CLIP1: variants seen among roughly 807,000 people sequenced by gnomAD.
CLIP1 encodes the protein CAP-Gly domain-containing linker protein 1.
Under a neutral mutation model 161.6 loss-of-function variants are expected in CLIP1, and 66 were observed. The observed-to-expected ratio is 0.41, with a 90% CI of 0.33 to 0.50. CLIP1 has a LOEUF of 0.50. CLIP1 is among the 20% of genes least tolerant of loss of function. The probability of loss-of-function intolerance (pLI) is 0.27; values close to 1 mark genes in which losing one functional copy is unlikely to be tolerated. For missense variants in CLIP1, 1,376 were observed against 1,702.0 expected, an observed-to-expected ratio of 0.81 and a Z score of 3.37; for synonymous variants, 598 against 626.2, an observed-to-expected ratio of 0.96 and a Z score of 0.67.
chr12:122,367,625 T>C (rs1276335968), intron 3 of CLIP1, among the ~76,000 whole-genome samples: 1 of 152,228 alleles, frequency 6.6e-6, no homozygotes, highest in Non-Finnish European at 1.5e-5. Flanking sequence ...AAATAATGCA[T>C]TGACAATAAA....
chr12:122,408,551 T>C (rs1359609132), intron 1 of CLIP1, among the ~76,000 whole-genome samples: 8 of 151,974 alleles, frequency 5.3e-5, no homozygotes, highest in Admixed American at 5.3e-4. Context: ...GGTTTCACCG[T>C]GTTAGCCAGG....
rs748836814 is a variant in CLIP1, at chr12:122,328,015, C to T, written c.3181G>A (p.Ala1061Thr). Residue 1061 changes from alanine (A) to threonine (T), a missense_variant, in exon 17 of 26, where the codon GCA becomes ACA. Transcript: ENST00000620786. ...AGCAAGCCACTGTTCTCCTCCCGTG[C>T]GCCCTTCAGCTTGTCCTCTGTGTCC... The part of the protein sequence containing the change: ...LLDTEDKLKG[A>T]REENSGLLQE... 7.4e-6 allele frequency: 12 copies of T among 1,614,168 alleles called. No homozygotes were observed. In the Admixed American group the frequency reaches 1.5e-4, roughly 20 times the overall value.
At chr12:122,390,129 G>A (rs1306731314) in intron 1 of CLIP1, among the ~76,000 whole-genome samples, 1 of 142,610 alleles carries the variant, frequency 7.0e-6, no homozygotes, top group African/African-American at 2.5e-5. Flanking sequence ...CTGCACAACT[G>A]TGAGCCAATT....
intron 1 of CLIP1, among the ~76,000 whole-genome samples, chr12:122,405,618 A>G (rs1395608763): frequency 6.9e-6 from 1 of 143,982 alleles, no homozygotes; most frequent in Non-Finnish European, 1.5e-5. Flanking sequence ...GCAAAACCCC[A>G]TCTTTACTAA....
At chr12:122,286,123 G>A (rs1171718202) in intron 21 of CLIP1, among the ~76,000 whole-genome samples, 1 of 152,158 alleles carries the variant, frequency 6.6e-6, no homozygotes, top group Non-Finnish European at 1.5e-5. Context: ...GTATTCTGCA[G>A]CAACTGCTGG....
intron 1 of CLIP1, chr12:122,400,654 G>C (rs1014585279): frequency 1.3e-5 from 2 of 152,248 alleles, no homozygotes; most frequent in South Asian, 4.2e-4. Flanking sequence ...TGACTCACAC[G>C]CATTCCTGTC....
Position 122,274,085 on chromosome 12 carries a change from T to C in CLIP1, c.4044A>G (p.Ser1348=), listed in dbSNP as rs188698258. 31 of 1,613,912 alleles carry C rather than the reference T, an allele frequency of 1.9e-5. No individual in the cohort carries two copies. In the Middle Eastern group the frequency reaches 8.2e-4, roughly 43 times the overall value. The part of the protein sequence containing the change: ...QDLKMKVEMM[S]EAALNGNGDD... ...CCCCGTTCCCATTCAGGGCTGCTTC[T>C]GACATCATCTCCACCTTCATCTTGA... Residue 1348 remains serine (S), a synonymous_variant, in exon 25 of 26, where the codon TCA becomes TCG. Coordinates refer to ENST00000620786, the MANE Select transcript of CLIP1 (RefSeq NM_001247997.2).
At chr12:122,329,804 G>A (rs1241918484) in intron 15 of CLIP1, among the ~76,000 whole-genome samples, 1 of 151,990 alleles carries the variant, frequency 6.6e-6, no homozygotes, top group African/African-American at 2.4e-5. Flanking sequence ...AGACCATGTG[G>A]TTGAACAAAA....
At position 122,378,997 on chromosome 12, in the gene CLIP1, C is replaced by T. The variant is rs554681512; in HGVS notation, c.86-1037G>A. Among the ~76,000 whole-genome samples the T allele has an allele frequency of 5.0e-4, 76 of 152,142 alleles. No individual in the cohort carries two copies. In the South Asian group the frequency reaches 0.015, roughly 29 times the overall value. On this transcript the variant is annotated intron_variant, in intron 2 of 25. Transcript: ENST00000620786. ...AAAATTAGCCGGGCATGGTGGAGCG[C>T]GCCTGTAGTCCCAGCTACTCGGGAG... is the stretch of plus-strand genomic sequence containing the variant.
chr12:122,306,587 C>G (rs181047110), intron 20 of CLIP1, among the ~76,000 whole-genome samples: 11 of 152,264 alleles, frequency 7.2e-5, no homozygotes, highest in Admixed American at 5.9e-4. Context: ...CCGCACCTGA[C>G]CACAAAGGGG....
rs541481554 is a variant in CLIP1, at chr12:122,299,028, T to TA, written c.3595-10488dup. Among the ~76,000 whole-genome samples the TA allele has an allele frequency of 8.9e-4, 136 of 152,328 alleles. 1 individual carries two copies. Among genetic ancestry groups the TA allele is most frequent in the African/African-American group, 3.2e-3 (134 of 41,562 alleles). The stretch of plus-strand genomic sequence containing the variant: ...ATCGTGACTGCCTGAAGCCAATACA[T>TA]ACAAGTAGTTCTTCACAGAGAGTGC... On this transcript the variant is annotated intron_variant, in intron 20 of 25. Transcript: ENST00000620786.
chr12:122,369,336 C>T (rs1166609783), intron 3 of CLIP1, among the ~76,000 whole-genome samples: 1 of 151,950 alleles, frequency 6.6e-6, no homozygotes, highest in Non-Finnish European at 1.5e-5. Flanking sequence ...TTGATTACCT[C>T]AAGTAATATA....
chr12:122,384,204 T>C (rs1201301423), intron 1 of CLIP1, among the ~76,000 whole-genome samples: 1 of 152,194 alleles, frequency 6.6e-6, no homozygotes, highest in Non-Finnish European at 1.5e-5. Context: ...ACAGGTATTG[T>C]GATTCCAAAG....
At chr12:122,388,397 T>C (rs1955425315) in intron 1 of CLIP1, among the ~76,000 whole-genome samples, 1 of 152,114 alleles carries the variant, frequency 6.6e-6, no homozygotes, top group Non-Finnish European at 1.5e-5. Context: ...TTTTTTGTAT[T>C]TTTAGTAGAG....
intron 3 of CLIP1, chr12:122,365,634 A>T (rs996645050): frequency 5.3e-5 from 47 of 882,846 alleles, no homozygotes; most frequent in Non-Finnish European, 6.3e-5. Context: ...ATGGCATAAT[A>T]GATGTTAAAA....
In CLIP1 at chr12:122,272,954, C is replaced by A. The variant is rs1188862359; in HGVS notation, c.4238G>T (p.Gly1413Val). The A allele has an allele frequency of 3.1e-6, 5 of 1,614,188 alleles. No homozygotes were observed. Among genetic ancestry groups the A allele is most frequent in the African/African-American group, 1.3e-5 (1 of 75,038 alleles). ...PPHSTHHGSR[G>V]EERPYCEICE... ...GATTTCACAGTATGGGCGTTCCTCA[C>A]CCCGACTGCCATGGTGTGTGGAATG... is the stretch of plus-strand genomic sequence containing the variant. The change falls in exon 26 of 26, where the codon GGT (glycine) becomes GTT (valine). Residue 1413 changes from glycine (G) to valine (V), a missense_variant. Around this residue, in one of 6 missense-constraint regions of CLIP1, gnomAD observed 948 missense variants for 1,134.8 expected, o/e 0.84. Coordinates refer to ENST00000620786, the MANE Select transcript of CLIP1 (RefSeq NM_001247997.2).
chr12:122,333,157 G>GA lies in CLIP1; in HGVS notation c.2711-15dup, dbSNP rs1952063911. 1 of 1,589,644 alleles carries GA rather than the reference G, an allele frequency of 6.3e-7. No individual in the cohort carries two copies. The highest frequency in any genetic ancestry group is 8.6e-7 in the Non-Finnish European group (1 of 1,165,866). On this transcript the variant is annotated splice_polypyrimidine_tract_variant and intron_variant, in intron 14 of 25. Transcript: ENST00000620786. ...TTGCCTCCATATCTAAATATATAGA[G>GA]AAAAAAAGAATAGCACGGCTGTGTT...
chr12:122,312,283 T>C (rs1266924479), intron 19 of CLIP1, among the ~76,000 whole-genome samples: 1 of 152,122 alleles, frequency 6.6e-6, no homozygotes, highest in South Asian at 2.1e-4. Flanking sequence ...TTCCCTAAGA[T>C]CCAAAATTAT....
chr12:122,355,483 T>C lies in CLIP1; in HGVS notation c.1006-171A>G, dbSNP rs1473332321. On this transcript the variant is annotated intron_variant, in intron 5 of 25. Transcript: ENST00000620786. This position sits in a 1 kb window ranked among gnomAD's most constrained non-coding sequence, Gnocchi z 4.1. ...CAAAAACACAAGACAGTGTGTGCCT[T>C]CTGTCTATAAATCTCACAAAGAATA... 1.7e-6 allele frequency: 1 copy of C among 604,904 alleles called. No homozygotes were observed. The highest frequency in any genetic ancestry group is 3.0e-6 in the Non-Finnish European group (1 of 338,924). 37.5% of individuals were successfully genotyped at this position (604,904 alleles called of 1,614,324 possible). A position where few individuals can be genotyped will look rare whatever the true frequency, so the allele number is the denominator to read the frequency against.
Sources: gnomAD v4.1 joint callset for allele counts (sites outside exome capture counted in the v4.1 genomes callset) on GRCh38, gnomAD v4.1.1 for gene constraint, gnomAD v4.1.1 regional missense constraint, Gnocchi (gnomAD v3.1) non-coding constraint, MANE v1.5 for transcripts, NCBI Gene and HGNC (gene_info 2026-07-23, HGNC 2026-07-21) for gene names.